Variants in SLC15A5 observed in about 807,000 individuals in gnomAD.
SLC15A5 encodes the protein solute carrier family 15 member 5, also known as Peptide/histidine transporter ENSP00000340402.
In SLC15A5, 58 loss-of-function variants were observed where a neutral mutation model predicts 56.1. That is an observed-to-expected ratio of 1.03 (90% CI 0.84 to 1.29). The LOEUF (loss-of-function observed/expected upper bound fraction) is 1.29. SLC15A5 is among the 50% of genes most tolerant of loss of function. The probability of loss-of-function intolerance (pLI) is 0.00; values close to 1 mark genes in which losing one functional copy is unlikely to be tolerated. For missense variants in SLC15A5, 681 were observed against 672.1 expected, an observed-to-expected ratio of 1.01 and a Z score of -0.15; for synonymous variants, 264 against 250.5, an observed-to-expected ratio of 1.05 and a Z score of -0.51.
At chr12:16,233,757 A>T (rs1864321876) in intron 5 of SLC15A5, among the ~76,000 whole-genome samples, 3 of 152,134 alleles carry the variant, frequency 2.0e-5, no homozygotes, top group Admixed American at 2.0e-4. Flanking sequence ...TAGTGTAGGT[A>T]TCACCTGGGG....
chr12:16,248,305 A>G (rs1394852657), intron 3 of SLC15A5, among the ~76,000 whole-genome samples: 6 of 152,136 alleles, frequency 3.9e-5, no homozygotes, highest in Admixed American at 3.9e-4. Context: ...TGGCATTAAA[A>G]GCCATGAGTC....
chr12:16,221,860 G>A lies in SLC15A5; in HGVS notation c.1351+2554C>T, dbSNP rs951563376. On this transcript the variant is annotated intron_variant, in intron 6 of 8. Coordinates refer to ENST00000344941, the MANE Select transcript of SLC15A5 (RefSeq NM_001170798.1). The stretch of plus-strand genomic sequence containing the variant: ...TTCAGAGTAAAAATGAGGACTTGCT[G>A]TTGGATTGGAGGGGAGAGGTGAGAG... 1.8e-4 allele frequency among the ~76,000 whole-genome samples: 28 copies of A among 152,142 alleles called. 1 individual carries two copies. The Middle Eastern group carries it at 0.01, about 55-fold the overall frequency.
At position 16,224,471 on chromosome 12, in the gene SLC15A5, A is replaced by G. The variant is rs1864219475; in HGVS notation, c.1294T>C (p.Tyr432His). The G allele has an allele frequency of 6.5e-7, 1 of 1,537,204 alleles. No homozygotes were observed. The change falls in exon 6 of 9, where the codon TAC becomes CAC. Residue 432 changes from tyrosine (Y) to histidine (H), a missense_variant. Tyr to His is a moderately conservative substitution (Grantham distance 83). Transcript: ENST00000344941. The stretch of plus-strand genomic sequence containing the variant: ...AGTAAAACATACTGAAGAATCAGGT[A>G]GAAACAGGGCATGGAGGAAACAGTG... The part of the protein sequence containing the change: ...VLTVSSMPCF[Y>H]LILQYVLLGV...
intron 3 of SLC15A5, among the ~76,000 whole-genome samples, chr12:16,246,112 T>C (rs1251880789): frequency 6.6e-6 from 1 of 152,150 alleles, no homozygotes; most frequent in African/African-American, 2.4e-5. Flanking sequence ...GGCTCTTTGG[T>C]GGCCTTTGTG....
rs115651777 is a variant in SLC15A5 at position 16,243,084 on chromosome 12, C to G, written c.975+1496G>C. Among the ~76,000 whole-genome samples, 1 of 152,116 alleles carries G rather than the reference C, an allele frequency of 6.6e-6. No individual in the cohort carries two copies. Among genetic ancestry groups the G allele is most frequent in the African/African-American group, 2.4e-5 (1 of 41,418 alleles). On this transcript the variant is annotated intron_variant, in intron 4 of 8. Coordinates refer to ENST00000344941, the MANE Select transcript of SLC15A5 (RefSeq NM_001170798.1). The surrounding 1 kb of genome is among the most constrained non-coding windows in gnomAD (Gnocchi z 4.4). ...CCACATATGGGTTCCGTGGCAATTA[C>G]TCAACTCTGCTATTTTTGTGCATAA... is the stretch of plus-strand genomic sequence containing the variant.
Position 16,271,825 on chromosome 12 carries a change from T to G in SLC15A5, c.584+736A>C, listed in dbSNP as rs1864760816. On this transcript the variant is annotated intron_variant, in intron 2 of 8. Transcript: ENST00000344941. The surrounding 1 kb of genome is among the most constrained non-coding windows in gnomAD (Gnocchi z 8.0). ...GTATTTGGTAATATAAATTGTTTCC[T>G]TAAAAAACACAAAAACCGACGAACT... Among the ~76,000 whole-genome samples, 1 of 152,152 alleles carries G rather than the reference T, an allele frequency of 6.6e-6. No homozygotes were observed. Among genetic ancestry groups the G allele is most frequent in the Non-Finnish European group, 1.5e-5 (1 of 68,016 alleles).
At chr12:16,257,984 G>T in intron 2 of SLC15A5, 114 bp from the exon 3 acceptor site, 1 of 981,682 alleles carries the variant, frequency 1.0e-6, no homozygotes, top group Non-Finnish European at 1.3e-6. Flanking sequence ...CATGTTAACT[G>T]AACCCAATTT....
chr12:16,276,486 G>T (rs1864822394), intron 1 of SLC15A5, among the ~76,000 whole-genome samples: 1 of 151,812 alleles, frequency 6.6e-6, no homozygotes, highest in African/African-American at 2.4e-5. Flanking sequence ...TCCTGAATTG[G>T]CACTTTATTG....
At chr12:16,229,381 T>C (rs1288428512) in intron 5 of SLC15A5, among the ~76,000 whole-genome samples, 1 of 152,178 alleles carries the variant, frequency 6.6e-6, no homozygotes, top group African/African-American at 2.4e-5. Flanking sequence ...TTTTATTTGC[T>C]CTTCACTCTG....
intron 7 of SLC15A5, among the ~76,000 whole-genome samples, chr12:16,201,357 G>C (rs1350842018): frequency 6.6e-6 from 1 of 152,134 alleles, no homozygotes; most frequent in African/African-American, 2.4e-5. Flanking sequence ...CAAAGCTATA[G>C]TATCAAAACA....
chr12:16,254,763 C>T (rs1864552995), intron 3 of SLC15A5, among the ~76,000 whole-genome samples: 1 of 152,084 alleles, frequency 6.6e-6, no homozygotes, highest in Non-Finnish European at 1.5e-5. Context: ...TTAAACATTG[C>T]ATGTTCTCAT....
At position 16,235,575 on chromosome 12, in the gene SLC15A5, A is replaced by G. The variant is rs1565666291; in HGVS notation, c.1162+4106T>C. On this transcript the variant is annotated intron_variant, in intron 5 of 8. Transcript: ENST00000344941. This position sits in a 1 kb window ranked among gnomAD's most constrained non-coding sequence, Gnocchi z 4.1. ...GTTACATTTAAGAATTGAGAATACT[A>G]ATGTGCTTATATCAAACAAATGTGC... Among the ~76,000 whole-genome samples, 1 of 152,122 alleles carries G rather than the reference A, an allele frequency of 6.6e-6. No individual in the cohort carries two copies. Among genetic ancestry groups the G allele is most frequent in the African/African-American group, 2.4e-5 (1 of 41,438 alleles).
At chr12:16,251,239 G>A (rs541552501) in intron 3 of SLC15A5, among the ~76,000 whole-genome samples, 1 of 151,832 alleles carries the variant, frequency 6.6e-6, no homozygotes, top group Admixed American at 6.6e-5. Flanking sequence ...CATTAATAAA[G>A]AAGAATGATC....
At chr12:16,224,061 AG>A (rs1217010577) in intron 6 of SLC15A5, among the ~76,000 whole-genome samples, 2 of 152,118 alleles carry the variant, frequency 1.3e-5, no homozygotes, top group Admixed American at 6.6e-5. Flanking sequence ...AGAGGAGGGA[AG>A]GGAGAAGAGA....
chr12:16,228,440 C>A (rs760735906), intron 5 of SLC15A5, among the ~76,000 whole-genome samples: 2 of 152,218 alleles, frequency 1.3e-5, no homozygotes, highest in Non-Finnish European at 2.9e-5. Context: ...ATCTTTCTCT[C>A]TAATTCTTCT....
At chr12:16,203,447 C>A (rs1482812270) in intron 7 of SLC15A5, among the ~76,000 whole-genome samples, 2 of 151,950 alleles carry the variant, frequency 1.3e-5, no homozygotes, top group Non-Finnish European at 2.9e-5. Context: ...TAAATGCACC[C>A]TAATGATAGG....
chr12:16,214,322 T>C (rs2204588), intron 7 of SLC15A5, among the ~76,000 whole-genome samples: 84,601 of 151,970 alleles, frequency 0.56, 23,831 homozygotes, highest in South Asian at 0.74. Context: ...TCTTGAGTGG[T>C]TGGAATGTCT....
At chr12:16,246,788 G>A (rs1477532451) in intron 3 of SLC15A5, among the ~76,000 whole-genome samples, 1 of 151,970 alleles carries the variant, frequency 6.6e-6, no homozygotes, top group Non-Finnish European at 1.5e-5. Flanking sequence ...ACTTGGATCT[G>A]CTTCTAATAC....
intron 7 of SLC15A5, among the ~76,000 whole-genome samples, chr12:16,214,022 T>C (rs1271332630): frequency 6.6e-6 from 1 of 152,210 alleles, no homozygotes. Flanking sequence ...AAATCAATGT[T>C]GGAACTGGTT....
Sources: gnomAD v4.1 joint callset for allele counts (sites outside exome capture counted in the v4.1 genomes callset) on GRCh38, gnomAD v4.1.1 for gene constraint, Gnocchi (gnomAD v3.1) non-coding constraint, MANE v1.5 for transcripts, NCBI Gene and HGNC (gene_info 2026-07-23, HGNC 2026-07-21) for gene names.